CHSY3: variants seen among roughly 807,000 people sequenced by gnomAD.
CHSY3 encodes chondroitin sulfate synthase 3.
A neutral mutation model predicts 67.2 loss-of-function variants in CHSY3; 35 were observed. The ratio of observed to expected loss-of-function variants is 0.52; its 90% CI spans 0.40 to 0.69. The LOEUF (loss-of-function observed/expected upper bound fraction) is 0.69. Among genes scored for constraint, CHSY3 ranks in the 30% least tolerant of loss-of-function variants. The probability of loss-of-function intolerance (pLI) is 0.00; values close to 1 mark genes in which losing one functional copy is unlikely to be tolerated. For missense variants in CHSY3, 1,069 were observed against 1,138.5 expected (o/e 0.94, Z 0.88); for synonymous variants, 474 against 434.7 (o/e 1.09, Z -1.12).
At chr5:129,951,751 G>A (rs1438752946) in intron 2 of CHSY3, among the ~76,000 whole-genome samples, 1 of 152,144 alleles carries the variant, frequency 6.6e-6, no homozygotes, top group Non-Finnish European at 1.5e-5. Context: ...CATCTATGTA[G>A]ATACTTGGCT....
At chr5:129,956,502 G>A (rs988291016) in intron 2 of CHSY3, among the ~76,000 whole-genome samples, 12 of 151,962 alleles carry the variant, frequency 7.9e-5, no homozygotes, top group East Asian at 5.8e-4. Flanking sequence ...CATCCTGTGG[G>A]TTGTGTATTT....
chr5:130,140,970 C>A, intron 2 of CHSY3: 1 of 749,798 alleles, frequency 1.3e-6, no homozygotes, highest in Non-Finnish European at 1.7e-6. Context: ...ACTCTAGACT[C>A]CGTAGAGAAG....
chr5:130,062,500 C>T (rs977744270), intron 2 of CHSY3, among the ~76,000 whole-genome samples: 3 of 151,924 alleles, frequency 2.0e-5, no homozygotes, highest in Admixed American at 6.6e-5. Flanking sequence ...TCTATCAGTA[C>T]GCAATATACG....
At position 130,106,058 on chromosome 5, in the gene CHSY3, T is replaced by G. The variant is rs186383641; in HGVS notation, c.1087-78171T>G. Among the ~76,000 whole-genome samples the G allele has an allele frequency of 1.6e-3, 236 of 151,816 alleles. 2 individuals are homozygous for G. Among genetic ancestry groups the G allele is most frequent in the African/African-American group, 5.0e-3 (208 of 41,524 alleles). On this transcript the variant is annotated intron_variant, in intron 2 of 2. Transcript: ENST00000305031. ...AAAATATTTTACTCTAATATCTTAC[T>G]TAACCTCCCCAAGCACACAAGTTCA...
rs117569436 is a variant in CHSY3 at position 130,119,732 on chromosome 5, C to T, written c.1087-64497C>T. 5.9e-4 allele frequency among the ~76,000 whole-genome samples: 90 copies of T among 152,264 alleles called. No individual in the cohort carries two copies. In the East Asian group the frequency reaches 0.015, roughly 25 times the overall value. ...AATGATTACAAAACTAAAGGAAAGA[C>T]AGGCTTTTCCCCTAACTTGATAGAA... On this transcript the variant is annotated intron_variant, in intron 2 of 2. Transcript: ENST00000305031.
rs1339548351 is a variant in CHSY3 at position 130,185,395 on chromosome 5, C to T, written c.2253C>T (p.Asp751=). 6.2e-7 allele frequency: 1 copy of T among 1,611,990 alleles called. No homozygotes were observed. The highest frequency in any genetic ancestry group is 1.3e-5 in the African/African-American group (1 of 75,000). The part of the protein sequence containing the change: ...VYYPIIFSQY[D]PKVTNGGNPP... ...ATCCCATCATCTTTAGCCAGTATGACCCAAAGGTAACAAACGGGGGAAATC... is the reference window on the plus strand; with the variant it reads ...ATCCCATCATCTTTAGCCAGTATGATCCAAAGGTAACAAACGGGGGAAATC... The change falls in exon 3 of 3, where the codon GAC becomes GAT. Residue 751 remains aspartate, a synonymous_variant. Coordinates refer to ENST00000305031, the MANE Select transcript of CHSY3 (RefSeq NM_175856.5).
chr5:130,043,572 G>T (rs1765062704), intron 2 of CHSY3, among the ~76,000 whole-genome samples: 1 of 152,140 alleles, frequency 6.6e-6, no homozygotes, highest in African/African-American at 2.4e-5. Context: ...TCTCTAAGCA[G>T]AGTGTTAGAA....
At chr5:130,077,263 C>T (rs1296349171) in intron 2 of CHSY3, among the ~76,000 whole-genome samples, 3 of 152,050 alleles carry the variant, frequency 2.0e-5, no homozygotes, top group African/African-American at 7.2e-5. Flanking sequence ...CCACTCCCCA[C>T]ACCCTCAGTG....
At chr5:130,060,918 C>G (rs569240559) in intron 2 of CHSY3, among the ~76,000 whole-genome samples, 1 of 152,110 alleles carries the variant, frequency 6.6e-6, no homozygotes, top group African/African-American at 2.4e-5. Flanking sequence ...TCATAGATAA[C>G]ACAAACAAAA....
At position 129,916,410 on chromosome 5, in the gene CHSY3, G is replaced by T. The variant is rs533872091; in HGVS notation, c.1086+8050G>T. Among the ~76,000 whole-genome samples, 16 of 152,266 alleles carry T rather than the reference G, an allele frequency of 1.1e-4. 1 individual carries two copies. Among genetic ancestry groups the T allele is most frequent in the African/African-American group, 3.6e-4 (15 of 41,562 alleles). ...GTTCAGAGAATTCTAAACAGCTTGGGTTAGAAATGTGGTCACCTAGCTACT... is the reference window on the plus strand; with the variant it reads ...GTTCAGAGAATTCTAAACAGCTTGGTTTAGAAATGTGGTCACCTAGCTACT... On this transcript the variant is annotated intron_variant, in intron 2 of 2. Transcript: ENST00000305031.
chr5:130,064,041 A>G (rs548045811), intron 2 of CHSY3, among the ~76,000 whole-genome samples: 1 of 152,264 alleles, frequency 6.6e-6, no homozygotes, highest in South Asian at 2.1e-4. Flanking sequence ...AATTACTCAT[A>G]TGGACTAAGT....
intron 2 of CHSY3, among the ~76,000 whole-genome samples, chr5:130,018,573 T>G (rs1042630229): frequency 1.8e-4 from 28 of 152,238 alleles, no homozygotes; most frequent in African/African-American, 6.5e-4. Context: ...CATGGTTATA[T>G]TAGGTCAAAC....
chr5:130,109,928 A>G (rs1228905283), intron 2 of CHSY3, among the ~76,000 whole-genome samples: 1 of 151,906 alleles, frequency 6.6e-6, no homozygotes, highest in Non-Finnish European at 1.5e-5. Flanking sequence ...GAGTTTGGGT[A>G]TTAAGCAAGG....
At chr5:130,147,099 A>G (rs1178382770) in intron 2 of CHSY3, among the ~76,000 whole-genome samples, 1 of 152,102 alleles carries the variant, frequency 6.6e-6, no homozygotes, top group African/African-American at 2.4e-5. Context: ...AGGCCTTCAT[A>G]TGTTTTTATC....
chr5:129,966,387 G>T (rs985441695), intron 2 of CHSY3, among the ~76,000 whole-genome samples: 1 of 151,716 alleles, frequency 6.6e-6, no homozygotes, highest in Non-Finnish European at 1.5e-5. Flanking sequence ...TGTGAACCTG[G>T]GCTCTCTAAC....
intron 2 of CHSY3, among the ~76,000 whole-genome samples, chr5:130,014,980 A>G (rs1764174984): frequency 6.6e-6 from 1 of 152,202 alleles, no homozygotes; most frequent in African/African-American, 2.4e-5. Context: ...TCAAATATCT[A>G]TAATATATAA....
chr5:130,025,813 C>G (rs1408243608), intron 2 of CHSY3, among the ~76,000 whole-genome samples: 2 of 152,058 alleles, frequency 1.3e-5, no homozygotes, highest in African/African-American at 4.8e-5. Flanking sequence ...CATGCATGTC[C>G]AAATATGATC....
intron 2 of CHSY3, among the ~76,000 whole-genome samples, chr5:129,998,366 C>T (rs1763612173): frequency 6.6e-6 from 1 of 152,066 alleles, no homozygotes; most frequent in Non-Finnish European, 1.5e-5. Context: ...GGATATAAAT[C>T]CCTAAATGTA....
chr5:129,948,989 G>T (rs1253907756), intron 2 of CHSY3, among the ~76,000 whole-genome samples: 1 of 152,122 alleles, frequency 6.6e-6, no homozygotes, highest in African/African-American at 2.4e-5. Context: ...GATTGCAAAG[G>T]TTTTCTCCCA....
Sources: gnomAD v4.1 joint callset for allele counts (sites outside exome capture counted in the v4.1 genomes callset) on GRCh38, gnomAD v4.1.1 for gene constraint, MANE v1.5 for transcripts, NCBI Gene and HGNC (gene_info 2026-07-23, HGNC 2026-07-21) for gene names.